Variants in GALNT18 observed in about 807,000 individuals in gnomAD.
The protein encoded by GALNT18 is GalNAc-transferase 18.
Under a neutral mutation model 69.5 loss-of-function variants are expected in GALNT18, and 44 were observed. That is an observed-to-expected ratio of 0.63 (90% confidence interval 0.50 to 0.81). The LOEUF is 0.81. Among genes scored for constraint, GALNT18 ranks in the 40% least tolerant of loss-of-function variants. The pLI, the probability that GALNT18 is intolerant of heterozygous loss-of-function variation, is 0.00. For synonymous variants in GALNT18, 364 were observed against 318.2 expected (o/e 1.14, Z -1.53); for missense variants, 715 against 810.0 (o/e 0.88, Z 1.42).
At chr11:11,531,112 A>G (rs1290719824) in intron 1 of GALNT18, among the ~76,000 whole-genome samples, 1 of 152,144 alleles carries the variant, frequency 6.6e-6, no homozygotes, top group East Asian at 1.9e-4. Context: ...GTGCTGCTGT[A>G]GTAGAAAGAG....
chr11:11,494,013 CCT>C lies in GALNT18; in HGVS notation c.236-45079_236-45078del, dbSNP rs142965012. ...GCACACATTACCTAAGCCATCGGTGCCTCTGTTTTCTCATCTATAAAATGGGA... is the reference window on the plus strand; with the variant it reads ...GCACACATTACCTAAGCCATCGGTGCCTGTTTTCTCATCTATAAAATGGGA... On this transcript the variant is annotated intron_variant, in intron 1 of 10. Transcript: ENST00000227756. The surrounding 1 kb of genome is among the most constrained non-coding windows in gnomAD (Gnocchi z 5.7). Among the ~76,000 whole-genome samples the C allele has an allele frequency of 9.9e-3, 1,513 of 152,212 alleles. 25 individuals are homozygous for C. Among genetic ancestry groups the C allele is most frequent in the African/African-American group, 0.034 (1,432 of 41,510 alleles).
rs1850202267 is a variant in GALNT18 at position 11,341,279 on chromosome 11, C to T, written c.1093-275G>A. ...TTTTCCCTCCACCTGTGAGCCCTAC[C>T]CCACCAAAAAAAGAGACCAGACATT... On this transcript the variant is annotated intron_variant, in intron 6 of 10. Transcript: ENST00000227756. This position sits in a 1 kb window ranked among gnomAD's most constrained non-coding sequence, Gnocchi z 6.3. Among the ~76,000 whole-genome samples the T allele has an allele frequency of 2.6e-5, 4 of 152,142 alleles. No individual in the cohort carries two copies. In the South Asian group the frequency reaches 8.3e-4, roughly 31 times the overall value.
rs905071494 is a variant in GALNT18 at position 11,604,064 on chromosome 11, G to A, written c.235+17295C>T. Among the ~76,000 whole-genome samples, 4 of 152,142 alleles carry A rather than the reference G, an allele frequency of 2.6e-5. No individual in the cohort carries two copies. The highest frequency in any genetic ancestry group is 9.7e-5 in the African/African-American group (4 of 41,432). ...TGTGAAACACAAAGGTGCCATCTAC[G>A]AGCAAGAAATTGGGCCCTCACCAAA... is the stretch of plus-strand genomic sequence containing the variant. On this transcript the variant is annotated intron_variant, in intron 1 of 10. Transcript: ENST00000227756. The surrounding 1 kb of genome is among the most constrained non-coding windows in gnomAD (Gnocchi z 5.6).
At chr11:11,322,030 A>G (rs1039956700) in intron 9 of GALNT18, among the ~76,000 whole-genome samples, 4 of 152,248 alleles carry the variant, frequency 2.6e-5, no homozygotes, top group Non-Finnish European at 4.4e-5. Flanking sequence ...AGTCAGGGTT[A>G]AAGTGGAGTA....
chr11:11,371,721 G>T (rs11021823), intron 6 of GALNT18, among the ~76,000 whole-genome samples: 26,415 of 152,070 alleles, frequency 0.17, 2,875 homozygotes, highest in East Asian at 0.39. Flanking sequence ...TTCCTTCTAG[G>T]ACAAGATCCT....
intron 1 of GALNT18, chr11:11,475,881 G>A (rs1453043596): frequency 6.6e-6 from 1 of 152,144 alleles, no homozygotes; most frequent in African/African-American, 2.4e-5. Flanking sequence ...AATTCCAACT[G>A]TGTAGACCCT....
chr11:11,331,845 G>C (rs1166405451), intron 8 of GALNT18, among the ~76,000 whole-genome samples: 1 of 152,210 alleles, frequency 6.6e-6, no homozygotes, highest in African/African-American at 2.4e-5. Flanking sequence ...AGCCAGGCGA[G>C]ATAGCCAAAA....
rs1856003748 is a variant in GALNT18 at position 11,459,882 on chromosome 11, G to A, written c.236-10946C>T. 6.6e-6 allele frequency among the ~76,000 whole-genome samples: 1 copy of A among 152,134 alleles called. No individual in the cohort carries two copies. The highest frequency in any genetic ancestry group is 2.4e-5 in the African/African-American group (1 of 41,418). ...GGCATCTCACCGGGCTAAAATCAAG[G>A]TGTTGGTAGGGCCATTCTCCTTTCT... On this transcript the variant is annotated intron_variant, in intron 1 of 10. Coordinates refer to ENST00000227756, the MANE Select transcript of GALNT18 (RefSeq NM_198516.3). This position sits in a 1 kb window ranked among gnomAD's most constrained non-coding sequence, Gnocchi z 5.0.
chr11:11,386,724 C>T (rs1044527396), intron 3 of GALNT18, among the ~76,000 whole-genome samples: 6 of 152,132 alleles, frequency 3.9e-5, no homozygotes, highest in Non-Finnish European at 7.4e-5. Context: ...CTATTATTAT[C>T]GTTCTATTTT....
chr11:11,395,663 A>T (rs1334524106), intron 3 of GALNT18, among the ~76,000 whole-genome samples: 1 of 152,196 alleles, frequency 6.6e-6, no homozygotes, highest in Non-Finnish European at 1.5e-5. Flanking sequence ...TCAACAAGGT[A>T]TCTCCCTGCA....
At chr11:11,407,141 G>T (rs1854606622) in intron 3 of GALNT18, among the ~76,000 whole-genome samples, 2 of 152,218 alleles carry the variant, frequency 1.3e-5, no homozygotes, top group Non-Finnish European at 2.9e-5. Context: ...AACAAGCTGG[G>T]ATTTTACACG....
intron 10 of GALNT18, among the ~76,000 whole-genome samples, chr11:11,291,799 G>A (rs556489233): frequency 6.6e-6 from 1 of 152,114 alleles, no homozygotes; most frequent in African/African-American, 2.4e-5. Context: ...ACCTTGTTTT[G>A]AACTTCCAGC....
In GALNT18 at chr11:11,605,502, T is replaced by C. The variant is rs1859730743; in HGVS notation, c.235+15857A>G. ...GTCCATTCTGAGGTTCTCACAGACC[T>C]CGGGGTGAACAGGAGGCCCTCTGTT... On this transcript the variant is annotated intron_variant, in intron 1 of 10. Coordinates refer to ENST00000227756, the MANE Select transcript of GALNT18 (RefSeq NM_198516.3). This position sits in a 1 kb window ranked among gnomAD's most constrained non-coding sequence, Gnocchi z 4.7. Among the ~76,000 whole-genome samples, 1 of 152,152 alleles carries C rather than the reference T, an allele frequency of 6.6e-6. No homozygotes were observed. Among genetic ancestry groups the C allele is most frequent in the Non-Finnish European group, 1.5e-5 (1 of 68,022 alleles).
chr11:11,431,762 A>C (rs1855269471), intron 3 of GALNT18, among the ~76,000 whole-genome samples: 1 of 152,258 alleles, frequency 6.6e-6, no homozygotes, highest in Non-Finnish European at 1.5e-5. Context: ...CTGACAGCAA[A>C]GAAAGCTCAA....
chr11:11,369,399 A>G (rs1327620146), intron 6 of GALNT18, among the ~76,000 whole-genome samples: 2 of 151,570 alleles, frequency 1.3e-5, no homozygotes, highest in Admixed American at 1.3e-4. Context: ...TCCAATCTCT[A>G]CCTCCACCTT....
rs1443674118 is a variant in GALNT18 at position 11,600,875 on chromosome 11, T to C, written c.235+20484A>G. Among the ~76,000 whole-genome samples, 2 of 152,156 alleles carry C rather than the reference T, an allele frequency of 1.3e-5. No individual in the cohort carries two copies. Among genetic ancestry groups the C allele is most frequent in the Non-Finnish European group, 2.9e-5 (2 of 68,028 alleles). ...AGATGTGGTAATCTCTATTGATCTA[T>C]CTTCAAATTTGCTGATACTTTCTTC... On this transcript the variant is annotated intron_variant, in intron 1 of 10. Coordinates refer to ENST00000227756, the MANE Select transcript of GALNT18 (RefSeq NM_198516.3). This position sits in a 1 kb window ranked among gnomAD's most constrained non-coding sequence, Gnocchi z 4.8.
intron 1 of GALNT18, among the ~76,000 whole-genome samples, chr11:11,473,964 C>G (rs1036699315): frequency 1.3e-5 from 2 of 152,240 alleles, no homozygotes; most frequent in East Asian, 3.9e-4. Flanking sequence ...ACTTGGGAGG[C>G]TGGGGCAGGA....
intron 6 of GALNT18, among the ~76,000 whole-genome samples, chr11:11,344,214 C>T (rs981055833): frequency 1.3e-5 from 2 of 151,814 alleles, no homozygotes; most frequent in Admixed American, 6.6e-5. Flanking sequence ...GCTACAGCCT[C>T]TATGCTGTAG....
rs1488315487 is a variant in GALNT18 at position 11,396,340 on chromosome 11, A to G, written c.596-17076T>C. The stretch of plus-strand genomic sequence containing the variant: ...GGCAACATTTCGAGAGGTGAGGAAG[A>G]GAGAGTTTGCTTAGAGATTAAATGA... On this transcript the variant is annotated intron_variant, in intron 3 of 10. Coordinates refer to ENST00000227756, the MANE Select transcript of GALNT18 (RefSeq NM_198516.3). This position sits in a 1 kb window ranked among gnomAD's most constrained non-coding sequence, Gnocchi z 5.2. 6.6e-6 allele frequency among the ~76,000 whole-genome samples: 1 copy of G among 152,176 alleles called. No individual in the cohort carries two copies. The highest frequency in any genetic ancestry group is 1.5e-5 in the Non-Finnish European group (1 of 68,034).
Sources: gnomAD v4.1 joint callset for allele counts (sites outside exome capture counted in the v4.1 genomes callset) on GRCh38, gnomAD v4.1.1 for gene constraint, Gnocchi (gnomAD v3.1) non-coding constraint, MANE v1.5 for transcripts, NCBI Gene and HGNC (gene_info 2026-07-23, HGNC 2026-07-21) for gene names.